Variants in GRIP1 observed in about 807,000 individuals in gnomAD.
GRIP1 encodes the protein glutamate receptor interacting protein 1, also known as glutamate receptor-interacting protein 1.
A neutral mutation model predicts 129.9 loss-of-function variants in GRIP1; 45 were observed. That is an observed-to-expected ratio of 0.35 (90% CI 0.27 to 0.44). The LOEUF is 0.44. GRIP1 is among the 20% of genes least tolerant of loss of function. The pLI, the probability that GRIP1 is intolerant of heterozygous loss-of-function variation, is 1.00. For synonymous variants in GRIP1, 530 were observed against 520.8 expected, an observed-to-expected ratio of 1.02 and a Z score of -0.24; for missense variants, 1,196 against 1,396.8, an observed-to-expected ratio of 0.86 and a Z score of 2.29.
chr12:66,537,650 CA>C (rs2061646439), intron 4 of GRIP1, among the ~76,000 whole-genome samples: 2 of 152,146 alleles, frequency 1.3e-5, no homozygotes, highest in African/African-American at 4.8e-5. Context: ...TCACTAAGTA[CA>C]AAACCTGGAT....
intron 5 of GRIP1, among the ~76,000 whole-genome samples, chr12:66,524,997 G>A (rs1322321246): frequency 6.6e-6 from 1 of 152,146 alleles, no homozygotes; most frequent in African/African-American, 2.4e-5. Context: ...TTGAATCTCT[G>A]AATAGACCAA....
chr12:67,038,162 G>A (rs1257833004), intron 1 of GRIP1, among the ~76,000 whole-genome samples: 2 of 152,134 alleles, frequency 1.3e-5, no homozygotes, highest in Admixed American at 6.6e-5. Flanking sequence ...TACTAAAAGC[G>A]GGGGACTTCC....
chr12:66,964,140 C>A (rs1317913804), intron 1 of GRIP1, among the ~76,000 whole-genome samples: 4 of 152,092 alleles, frequency 2.6e-5, no homozygotes, highest in Non-Finnish European at 5.9e-5. Context: ...CCAAATGTTT[C>A]CCGCAGTGCT....
intron 1 of GRIP1, among the ~76,000 whole-genome samples, chr12:66,906,047 TCTGA>T (rs1279748927): frequency 6.6e-6 from 1 of 152,106 alleles, no homozygotes. Flanking sequence ...CAATTGAAAA[TCTGA>T]CTGGACTATC....
At chr12:66,837,502 C>A (rs191501427) in intron 1 of GRIP1, among the ~76,000 whole-genome samples, 1 of 152,246 alleles carries the variant, frequency 6.6e-6, no homozygotes, top group Non-Finnish European at 1.5e-5. Context: ...CTGTAATTAG[C>A]TCAGTGTGGT....
At chr12:66,551,810 G>A (rs1207178978) in intron 2 of GRIP1, among the ~76,000 whole-genome samples, 2 of 152,048 alleles carry the variant, frequency 1.3e-5, no homozygotes, top group African/African-American at 2.4e-5. Flanking sequence ...TTGAACTCCT[G>A]GGCTCAAGCG....
chr12:66,819,481 T>C (rs2039281318), intron 1 of GRIP1, among the ~76,000 whole-genome samples: 1 of 152,252 alleles, frequency 6.6e-6, no homozygotes, highest in Non-Finnish European at 1.5e-5. Flanking sequence ...TGCCTAACGT[T>C]AATAAATATT....
chr12:66,707,588 A>G (rs1227187698), intron 1 of GRIP1, among the ~76,000 whole-genome samples: 2 of 151,058 alleles, frequency 1.3e-5, no homozygotes, highest in Non-Finnish European at 3.0e-5. Context: ...CTCTCCTAGC[A>G]CTTCAAGTAA....
At chr12:66,378,741 T>G (rs1009182329) in intron 20 of GRIP1, among the ~76,000 whole-genome samples, 1 of 151,692 alleles carries the variant, frequency 6.6e-6, no homozygotes, top group African/African-American at 2.4e-5. Flanking sequence ...CGATACTCCA[T>G]CTCAAAAAAT....
At chr12:66,945,490 GC>G (rs1360128994) in intron 1 of GRIP1, among the ~76,000 whole-genome samples, 18 of 152,104 alleles carry the variant, frequency 1.2e-4, no homozygotes, top group Admixed American at 3.9e-4. Flanking sequence ...TTCTGGGGAG[GC>G]CTTAGGAAGC....
intron 4 of GRIP1, among the ~76,000 whole-genome samples, chr12:66,536,569 C>G (rs71452304): frequency 7.9e-5 from 12 of 152,178 alleles, no homozygotes; most frequent in Non-Finnish European, 1.8e-4. Context: ...TCCCTCACCT[C>G]CTTCACAAGT....
At chr12:66,817,202 G>GCACACACACA (rs57507955) in intron 1 of GRIP1, among the ~76,000 whole-genome samples, 90 of 136,224 alleles carry the variant, frequency 6.6e-4, no homozygotes, top group Middle Eastern at 4.0e-3. Flanking sequence ...TTTTCAGTAT[G>GCACACACACA]CACACACACA....
At chr12:66,737,688 C>G (rs945606410) in intron 1 of GRIP1, among the ~76,000 whole-genome samples, 4 of 152,158 alleles carry the variant, frequency 2.6e-5, no homozygotes, top group Admixed American at 2.0e-4. Context: ...AGCAATATTG[C>G]CACATCACTT....
At chr12:66,562,690 A>T (rs1026725815) in intron 2 of GRIP1, among the ~76,000 whole-genome samples, 1 of 152,012 alleles carries the variant, frequency 6.6e-6, no homozygotes, top group Non-Finnish European at 1.5e-5. Flanking sequence ...TTGTTGCATG[A>T]TTATATATGT....
intron 1 of GRIP1, among the ~76,000 whole-genome samples, chr12:66,640,030 C>T (rs1364470027): frequency 6.6e-6 from 1 of 152,130 alleles, no homozygotes; most frequent in Admixed American, 6.6e-5. Context: ...TTCTTTCTGG[C>T]CTGATATTTT....
intron 1 of GRIP1, among the ~76,000 whole-genome samples, chr12:66,903,036 G>A (rs571157925): frequency 1.3e-5 from 2 of 152,134 alleles, no homozygotes; most frequent in African/African-American, 4.8e-5. Flanking sequence ...TAGAGTAAAT[G>A]CAAGAGAAGG....
At chr12:66,579,437 A>C (rs1347293324) in intron 2 of GRIP1, among the ~76,000 whole-genome samples, 1 of 152,244 alleles carries the variant, frequency 6.6e-6, no homozygotes, top group Admixed American at 6.5e-5. Flanking sequence ...TGAGAGAAGA[A>C]GGCTTCAGAC....
intron 1 of GRIP1, among the ~76,000 whole-genome samples, chr12:66,844,808 T>C (rs1454853229): frequency 6.6e-6 from 1 of 152,232 alleles, no homozygotes; most frequent in Admixed American, 6.5e-5. Flanking sequence ...TGACAGATGC[T>C]GTAACATGGG....
In GRIP1 at chr12:66,420,852, T is replaced by G. The variant is rs574136759; in HGVS notation, c.1769-63A>C. The G allele has an allele frequency of 6.6e-6, 6 of 906,792 alleles. No individual in the cohort carries two copies. In the South Asian group the frequency reaches 8.0e-5, roughly 12 times the overall value. The allele number at this position is 906,792 out of a possible 1,614,324, so 56.2% of individuals were successfully genotyped here. ...CCATTATTCACCCCTTACTGTACATTTCCCCTGTTTTATAATAACTTAATG... is the reference window on the plus strand; with the variant it reads ...CCATTATTCACCCCTTACTGTACATGTCCCCTGTTTTATAATAACTTAATG... On this transcript the variant is annotated intron_variant, in intron 14 of 24. Transcript: ENST00000359742.
Sources: gnomAD v4.1 joint callset for allele counts (sites outside exome capture counted in the v4.1 genomes callset) on GRCh38, gnomAD v4.1.1 for gene constraint, MANE v1.5 for transcripts, NCBI Gene and HGNC (gene_info 2026-07-23, HGNC 2026-07-21) for gene names.